The following LAMC1 variants were observed in gnomAD, a reference collection of about 807,000 sequenced individuals.
The protein encoded by LAMC1 is laminin subunit gamma-1.
LAMC1 carries 38 observed loss-of-function variants against 173.6 expected under a neutral mutation model. That is an observed-to-expected ratio of 0.22 (90% CI 0.17 to 0.29). The LOEUF is 0.29. Ranked by LOEUF, LAMC1 falls within the 10% of genes least tolerant of loss-of-function variation. The pLI is 1.00. For synonymous variants in LAMC1, 746 were observed against 749.1 expected (o/e 1.00, Z 0.07); for missense variants, 1,824 against 2,051.8 (o/e 0.89, Z 2.14).
At chr1:183,105,744 GT>G (rs1655963294) in intron 2 of LAMC1, among the ~76,000 whole-genome samples, 1 of 152,174 alleles carries the variant, frequency 6.6e-6, no homozygotes. Context: ...CTGATACCCA[GT>G]TGCCAAGGAG....
At chr1:183,117,778 CTTTA>C (rs1656364327) in intron 10 of LAMC1, 55 bp downstream of exon 10, 3 of 1,490,724 alleles carry the variant, frequency 2.0e-6, no homozygotes, top group African/African-American at 2.8e-5. Flanking sequence ...AAAGTGGTGT[CTTTA>C]TTTAAGTTTA....
At chr1:183,114,833 T>C (rs1030423500) in intron 5 of LAMC1, 114 bp downstream of exon 5, 8 of 993,470 alleles carry the variant, frequency 8.1e-6, no homozygotes, top group African/African-American at 6.5e-5. Context: ...GTATACATTA[T>C]TGTAACACAG....
chr1:183,127,405 G>A lies in LAMC1; in HGVS notation c.3123+1G>A. 6.2e-7 allele frequency: 1 copy of A among 1,613,866 alleles called. No individual in the cohort carries two copies. Among genetic ancestry groups the A allele is most frequent in the South Asian group, 1.1e-5 (1 of 91,054 alleles). On this transcript the variant is annotated splice_donor_variant, in intron 17 of 27. Transcript: ENST00000258341. LOFTEE classifies it high-confidence loss of function. ...TTGTTACCGGCTGGTAAAGGATAAG[G>A]TAAGCTGTCAATAGTGCATTCATTC...
chr1:183,093,783 A>G (rs982819533), intron 1 of LAMC1, among the ~76,000 whole-genome samples: 2 of 152,178 alleles, frequency 1.3e-5, no homozygotes, highest in African/African-American at 4.8e-5. Context: ...TTCCAGTTGT[A>G]TAAGCCAAAG....
At chr1:183,080,329 T>TGTC (rs1206295053) in intron 1 of LAMC1, among the ~76,000 whole-genome samples, 1 of 152,254 alleles carries the variant, frequency 6.6e-6, no homozygotes, top group African/African-American at 2.4e-5. Context: ...TTCTAGGCTG[T>TGTC]GTCCTTCATC....
At chr1:183,134,051 A>G (rs1656870700) in intron 22 of LAMC1, among the ~76,000 whole-genome samples, 1 of 152,228 alleles carries the variant, frequency 6.6e-6, no homozygotes, top group African/African-American at 2.4e-5. Context: ...AAAAGACTAT[A>G]GCAGGATGTT....
At chr1:183,090,128 G>A (rs1321338417) in intron 1 of LAMC1, among the ~76,000 whole-genome samples, 1 of 152,052 alleles carries the variant, frequency 6.6e-6, no homozygotes, top group Non-Finnish European at 1.5e-5. Context: ...CAGCTCATTG[G>A]AACACTTATT....
intron 14 of LAMC1, 136 bp from the exon 15 acceptor site, chr1:183,125,261 A>C (rs1260518458): frequency 1.6e-5 from 13 of 820,148 alleles, no homozygotes; most frequent in Non-Finnish European, 4.0e-6. Flanking sequence ...GCCACATTTA[A>C]AGTGCTCAGT....
chr1:183,024,922 G>T (rs984510823), intron 1 of LAMC1, among the ~76,000 whole-genome samples: 4 of 152,232 alleles, frequency 2.6e-5, no homozygotes, highest in Non-Finnish European at 5.9e-5. Flanking sequence ...AAACTTCATG[G>T]CAGGGCAGTG....
At chr1:183,035,721 C>T (rs1332862397) in intron 1 of LAMC1, among the ~76,000 whole-genome samples, 1 of 152,128 alleles carries the variant, frequency 6.6e-6, no homozygotes, top group Non-Finnish European at 1.5e-5. Context: ...GAGACTGAGT[C>T]ACATAACATG....
At chr1:183,047,628 T>C (rs964726301) in intron 1 of LAMC1, among the ~76,000 whole-genome samples, 5 of 152,202 alleles carry the variant, frequency 3.3e-5, no homozygotes, top group East Asian at 1.9e-4. Flanking sequence ...GATAGACCCA[T>C]GTGTAATTTG....
intron 20 of LAMC1, among the ~76,000 whole-genome samples, chr1:183,131,842 T>C (rs1202222220): frequency 6.6e-6 from 1 of 152,206 alleles, no homozygotes; most frequent in Non-Finnish European, 1.5e-5. Context: ...ATTATAAACA[T>C]TTTCTCTTAT....
intron 1 of LAMC1, among the ~76,000 whole-genome samples, chr1:183,056,417 C>G (rs1024634095): frequency 6.6e-6 from 1 of 152,132 alleles, no homozygotes; most frequent in Non-Finnish European, 1.5e-5. Flanking sequence ...CTGTTTCTTC[C>G]CTGTATGACC....
rs1043085449 is a variant in LAMC1, at chr1:183,061,097, G to A, written c.418+36963G>A. 3.2e-3 allele frequency among the ~76,000 whole-genome samples: 494 copies of A among 152,244 alleles called. 2 individuals carry two copies. The highest frequency in any genetic ancestry group is 0.012 in the African/African-American group (485 of 41,540). ...TGTGAGTTAATGAGGGATAGGACTAGGGTGATGTCGATCAGAAAGGCAAAA... is the reference window on the plus strand; with the variant it reads ...TGTGAGTTAATGAGGGATAGGACTAAGGTGATGTCGATCAGAAAGGCAAAA... On this transcript the variant is annotated intron_variant, in intron 1 of 27. Coordinates refer to ENST00000258341, the MANE Select transcript of LAMC1 (RefSeq NM_002293.4).
chr1:183,052,979 C>T (rs1289270210), intron 1 of LAMC1, among the ~76,000 whole-genome samples: 1 of 152,080 alleles, frequency 6.6e-6, no homozygotes, highest in Non-Finnish European at 1.5e-5. Flanking sequence ...TATCCAAACA[C>T]AGGTAAATGA....
intron 1 of LAMC1, among the ~76,000 whole-genome samples, chr1:183,099,256 T>C (rs1234165292): frequency 6.6e-6 from 1 of 152,124 alleles, no homozygotes; most frequent in Non-Finnish European, 1.5e-5. Context: ...GCCTGGCTAA[T>C]TTTTTGAATT....
intron 1 of LAMC1, among the ~76,000 whole-genome samples, chr1:183,026,648 G>C (rs1052414000): frequency 6.6e-6 from 1 of 152,178 alleles, no homozygotes; most frequent in Non-Finnish European, 1.5e-5. Flanking sequence ...CCTTAAACAA[G>C]TGATGCATAT....
chr1:183,105,298 G>A (rs1655948895), intron 2 of LAMC1, among the ~76,000 whole-genome samples: 1 of 151,638 alleles, frequency 6.6e-6, no homozygotes, highest in South Asian at 2.1e-4. Context: ...CAGTGGAGAG[G>A]TGACCTACAA....
intron 9 of LAMC1, 43 bp downstream of exon 9, chr1:183,117,485 G>A (rs771087399): frequency 1.9e-6 from 3 of 1,611,360 alleles, no homozygotes; most frequent in Admixed American, 3.3e-5. Flanking sequence ...GTGTGCCTCT[G>A]TTTAGTCTCA....
Sources: allele counts gnomAD v4.1 joint callset (sites outside exome capture counted in the v4.1 genomes callset), GRCh38; gene constraint gnomAD v4.1.1; transcripts MANE v1.5; gene names NCBI Gene and HGNC (gene_info 2026-07-23, HGNC 2026-07-21).